Variants in KRT71 observed in about 807,000 individuals in gnomAD.
KRT71 encodes keratin, type II cytoskeletal 71.
Under a neutral mutation model 46.2 loss-of-function variants are expected in KRT71, and 42 were observed. The ratio of observed to expected loss-of-function variants is 0.91; its 90% CI spans 0.71 to 1.18. The LOEUF is 1.18. Among genes scored for constraint, KRT71 ranks in the 50% most tolerant of loss-of-function variants. The pLI, the probability that KRT71 is intolerant of heterozygous loss-of-function variation, is 0.00. For synonymous variants in KRT71, 292 were observed against 277.8 expected (o/e 1.05, Z -0.51); for missense variants, 708 against 677.9 (o/e 1.04, Z -0.49).
In KRT71 at chr12:52,550,071, T is replaced by C. The variant is rs749611724; in HGVS notation, c.614A>G (p.Glu205Gly). 3.8e-5 allele frequency: 61 copies of C among 1,613,986 alleles called. No individual in the cohort carries two copies. The highest frequency in any genetic ancestry group is 4.7e-5 in the Non-Finnish European group (56 of 1,180,000). Residue 205 changes from glutamate to glycine, a missense_variant, in exon 2 of 9, where the codon GAG (glutamate) becomes GGG (glycine). Physicochemically the swap from Glu to Gly is moderately conservative, Grantham distance 98. Transcript: ENST00000267119. ...CACTACGTCCCGCACATTCCTCAGC[T>C]CCGAGTCCAGCCTCACCCTGTCCCC... ...LSGDRVRLDS[E>G]LRNVRDVVED...
chr12:52,544,522 G>A lies in KRT71; in HGVS notation c.*10C>T, dbSNP rs1181320027. The A allele has an allele frequency of 1.3e-5, 21 of 1,611,718 alleles. No homozygotes were observed. Among genetic ancestry groups the A allele is most frequent in the Non-Finnish European group, 1.7e-5 (20 of 1,177,822 alleles). ...GTCATGGAATGAGGCGGGGCCCGGG[G>A]CAGTCTTCTCTACCGACTGGTTTTC... is the stretch of plus-strand genomic sequence containing the variant. On this transcript the variant is annotated 3_prime_UTR_variant, in exon 9 of 9. Transcript: ENST00000267119.
intron 3 of KRT71, 133 bp downstream of exon 3, chr12:52,549,160 A>T: frequency 1.3e-6 from 1 of 777,086 alleles, no homozygotes; most frequent in Non-Finnish European, 2.3e-6. Context: ...GTCTTTCATC[A>T]AGTTTTCTCT....
In KRT71 at chr12:52,544,622, C is replaced by T. The variant is rs1939025884; in HGVS notation, c.1482G>A (p.Glu494=). 1 of 1,614,134 alleles carries T rather than the reference C, an allele frequency of 6.2e-7. No individual in the cohort carries two copies. ...CGTTGGCACTGCCCCGGCTCCTGCCCTCCCCGCCTCTCACGCTGCACACTC... is the reference window on the plus strand; with the variant it reads ...CGTTGGCACTGCCCCGGCTCCTGCCTTCCCCGCCTCTCACGCTGCACACTC... The part of the protein sequence containing the change: ...ISGVCSVRGG[E]GRSRGSANDY... The change falls in exon 9 of 9, where the codon GAG becomes GAA. Residue 494 remains glutamate, a synonymous_variant. Transcript: ENST00000267119.
At chr12:52,552,520 C>T (rs1007465744) in intron 1 of KRT71, 117 bp downstream of exon 1, 1 of 1,068,226 alleles carries the variant, frequency 9.4e-7, no homozygotes, top group South Asian at 1.6e-5. Flanking sequence ...CCTACCTTGT[C>T]CACAGTAAAG....
intron 7 of KRT71, among the ~76,000 whole-genome samples, chr12:52,545,984 AGAGTAATG>A (rs1466809526): frequency 6.6e-6 from 1 of 151,806 alleles, no homozygotes; most frequent in Non-Finnish European, 1.5e-5. Flanking sequence ...AATGCCTAAT[AGAGTAATG>A]GGGTTTTGCA....
rs778794957 is a variant in KRT71, at chr12:52,546,434, T to C, written c.1177A>G (p.Lys393Glu). The change falls in exon 7 of 9, where the codon AAG becomes GAG. Residue 393 changes from lysine (K) to glutamate (E), a missense_variant. Coordinates refer to ENST00000267119, the MANE Select transcript of KRT71 (RefSeq NM_033448.3). ...AGGGCGCCCTCCAGCTCGTCCAGCT[T>C]GGCCCGGGCATCCTTCAGGGCGTTG... ...GDNALKDARAKLDELEGALHQ... is the reference protein window; with the variant it reads ...GDNALKDARAELDELEGALHQ... The C allele has an allele frequency of 6.2e-7, 1 of 1,614,190 alleles. No individual in the cohort carries two copies. Among genetic ancestry groups the C allele is most frequent in the Non-Finnish European group, 8.5e-7 (1 of 1,180,034 alleles).
chr12:52,548,405 G>A, intron 4 of KRT71, 89 bp from the exon 5 acceptor site: 1 of 1,448,376 alleles, frequency 6.9e-7, no homozygotes, highest in South Asian at 1.3e-5. Flanking sequence ...TTCTGGTGAT[G>A]CCATCTTGGA....
In KRT71 at chr12:52,553,067, T is replaced by C. The variant is rs1480913879; in HGVS notation, c.11A>G (p.Gln4Arg). 1 of 1,576,130 alleles carries C rather than the reference T, an allele frequency of 6.3e-7. No individual in the cohort carries two copies. The highest frequency in any genetic ancestry group is 8.6e-7 in the Non-Finnish European group (1 of 1,160,066). MSR[Q>R]FTCKSGAAAK... is the part of the protein sequence containing the mutation. ...GGCAGCTCCCGACTTGCAGGTGAAT[T>C]GGCGGCTCATGTTGCTGGTGGAGAC... Residue 4 changes from glutamine (Q) to arginine (R), a missense_variant, in exon 1 of 9, where the codon CAA becomes CGA. Transcript: ENST00000267119.
In KRT71 at chr12:52,552,793, A is replaced by G; in HGVS notation, c.285T>C (p.Thr95=). 6.2e-7 allele frequency: 1 copy of G among 1,614,202 alleles called. No homozygotes were observed. The highest frequency in any genetic ancestry group is 8.5e-7 in the Non-Finnish European group (1 of 1,180,024). Residue 95 remains threonine, a synonymous_variant, in exon 1 of 9, where the codon ACT becomes ACC. Transcript: ENST00000267119. ...GGTGGATGCCTCCAGGTGGGCATAC[A>G]GTTGGGCACACAGGCCCCAGGGCCA... The part of the protein sequence containing the change: ...GSVALGPVCP[T]VCPPGGIHQV...
rs756606538 is a variant in KRT71, at chr12:52,552,974, C to T, written c.104G>A (p.Gly35Glu). 3 of 1,614,188 alleles carry T rather than the reference C, an allele frequency of 1.9e-6. No homozygotes were observed. The highest frequency in any genetic ancestry group is 1.7e-6 in the Non-Finnish European group (2 of 1,180,036). ...AAAGCCCCCACTGAGCCCTTTGCTC[C>T]CTGCCCGGAAGGAGGATGAGCTGCC... ...SGGSSSSFRA[G>E]SKGLSGGFGS... Residue 35 changes from glycine (G) to glutamate (E), a missense_variant, in exon 1 of 9, where the codon GGG becomes GAG. Transcript: ENST00000267119.
chr12:52,545,033 T>A (rs1004868920), intron 8 of KRT71, among the ~76,000 whole-genome samples: 2 of 152,158 alleles, frequency 1.3e-5, no homozygotes, highest in Admixed American at 1.3e-4. Flanking sequence ...CCATTGCCCT[T>A]TCTATTAGCC....
Position 52,548,727 on chromosome 12 carries a change from T to C in KRT71, c.787A>G (p.Lys263Glu). The C allele has an allele frequency of 1.2e-6, 2 of 1,614,148 alleles. No homozygotes were observed. Among genetic ancestry groups the C allele is most frequent in the South Asian group, 1.1e-5 (1 of 91,064 alleles). ...GCTTCAAAGAGACACCTGAAGAACTTGATCTCCTGGTCCATGGATTCCACC... is the reference window on the plus strand; with the variant it reads ...GCTTCAAAGAGACACCTGAAGAACTCGATCTCCTGGTCCATGGATTCCACC... ...AKVESMDQEI[K>E]FFRCLFEAEI... The change falls in exon 4 of 9, where the codon AAG becomes GAG. Residue 263 changes from lysine to glutamate, a missense_variant. Coordinates refer to ENST00000267119, the MANE Select transcript of KRT71 (RefSeq NM_033448.3).
Position 52,544,296 on chromosome 12 carries a change from C to G in KRT71, c.*236G>C. ...TGGGCTGGTGGTGTAGCTGGGGGAC[C>G]ACAGCCAAGGAGTTAATAGGGTGTG... On this transcript the variant is annotated 3_prime_UTR_variant, in exon 9 of 9. Transcript: ENST00000267119. 1.7e-6 allele frequency: 1 copy of G among 584,458 alleles called. No homozygotes were observed. The allele number at this position is 584,458 out of a possible 1,614,324, so 36.2% of individuals were successfully genotyped here.
rs776314734 is a variant in KRT71, at chr12:52,544,558, C to T, written c.1546G>A (p.Ala516Thr). 12 of 1,613,988 alleles carry T rather than the reference C, an allele frequency of 7.4e-6. No individual in the cohort carries two copies. The highest frequency in any genetic ancestry group is 8.5e-6 in the Non-Finnish European group (10 of 1,179,992). The change falls in exon 9 of 9, where the codon GCA (alanine) becomes ACA (threonine). Residue 516 changes from alanine to threonine, a missense_variant. By Grantham distance (58) the Ala-to-Thr change is moderately conservative. Transcript: ENST00000267119. ...TACCGACTGGTTTTCTTGGAGGGTGCACTCAGGCTGGAACCCTTCCCTAGG... is the reference window on the plus strand; with the variant it reads ...TACCGACTGGTTTTCTTGGAGGGTGTACTCAGGCTGGAACCCTTCCCTAGG... ...DTLGKGSSLS[A>T]PSKKTSR
rs147275737 is a variant in KRT71, at chr12:52,549,314, G to A, written c.696C>T (p.Asn232=). 6.2e-5 allele frequency: 100 copies of A among 1,613,692 alleles called. No individual in the cohort carries two copies. The highest frequency in any genetic ancestry group is 5.7e-4 in the African/African-American group (43 of 74,886). The stretch of plus-strand genomic sequence containing the variant: ...TCACCTTCTTGAGCAGCACAAACTC[G>A]TTCTCTGCTGCTGTCCGCTTGTTGA... ...EEINKRTAAE[N]EFVLLKKDVD... is the part of the protein sequence containing the mutation. Residue 232 remains asparagine (N), a synonymous_variant, in exon 3 of 9, where the codon AAC becomes AAT. Transcript: ENST00000267119.
intron 1 of KRT71, among the ~76,000 whole-genome samples, chr12:52,551,447 G>A (rs1387168000): frequency 2.0e-5 from 3 of 152,164 alleles, no homozygotes; most frequent in Non-Finnish European, 4.4e-5. Flanking sequence ...CCCCATCTCA[G>A]AACACTTTGA....
Position 52,552,744 on chromosome 12 carries a change from G to A in KRT71, c.334C>T (p.Leu112=), listed in dbSNP as rs375932234. ...IHQVTVNESL[L]APLNVELDPE... Reference sequence around the variant, plus strand: ...TCCAGCTCCACGTTGAGGGGGGCCAGGAGGCTCTCATTGACGGTAACCTGG... The same window carrying A: ...TCCAGCTCCACGTTGAGGGGGGCCAAGAGGCTCTCATTGACGGTAACCTGG... Residue 112 remains leucine (L), a synonymous_variant, in exon 1 of 9, where the codon CTG becomes TTG. Transcript: ENST00000267119. 8.1e-6 allele frequency: 13 copies of A among 1,614,042 alleles called. No individual in the cohort carries two copies. In the African/African-American group the frequency reaches 1.7e-4, roughly 22 times the overall value.
At chr12:52,544,892 C>G (rs1939034115) in intron 8 of KRT71, 149 bp from the exon 9 acceptor site, 2 of 686,460 alleles carry the variant, frequency 2.9e-6, no homozygotes, top group Non-Finnish European at 5.1e-6. Flanking sequence ...CCAAAGACAG[C>G]TTCCCTAATG....
intron 1 of KRT71, 148 bp downstream of exon 1, chr12:52,552,489 T>C (rs1939189034): frequency 1.3e-6 from 1 of 786,028 alleles, no homozygotes; most frequent in Non-Finnish European, 2.0e-6. Flanking sequence ...CTTACACAGG[T>C]CACCCTGTTG....
Sources: allele counts gnomAD v4.1 joint callset (sites outside exome capture counted in the v4.1 genomes callset), GRCh38; gene constraint gnomAD v4.1.1; transcripts MANE v1.5; gene names NCBI Gene and HGNC (gene_info 2026-07-23, HGNC 2026-07-21).